Variants in POC1A observed in about 807,000 individuals in gnomAD.
POC1A encodes the protein POC1 centriolar protein A.
A neutral mutation model predicts 47.8 loss-of-function variants in POC1A; 34 were observed. The ratio of observed to expected loss-of-function variants is 0.71; its 90% CI spans 0.54 to 0.95. POC1A has a LOEUF of 0.95. Among genes scored for constraint, POC1A ranks in the 40% least tolerant of loss-of-function variants. The pLI is 0.00. For synonymous variants in POC1A, 177 were observed against 207.6 expected (o/e 0.85, Z 1.27); for missense variants, 466 against 528.3 (o/e 0.88, Z 1.16).
intron 9 of POC1A, among the ~76,000 whole-genome samples, chr3:52,100,104 C>T (rs562948261): frequency 6.6e-6 from 1 of 152,348 alleles, no homozygotes; most frequent in South Asian, 2.1e-4. Flanking sequence ...TTGCCCACCT[C>T]AGTTCCTGTT....
At chr3:52,088,611 G>C (rs1335385177) in intron 10 of POC1A, among the ~76,000 whole-genome samples, 2 of 152,232 alleles carry the variant, frequency 1.3e-5, no homozygotes, top group Admixed American at 1.3e-4. Context: ...GTAGGCTGTG[G>C]CTTGCTTAAT....
At chr3:52,088,463 T>C (rs879738352) in intron 10 of POC1A, among the ~76,000 whole-genome samples, 5 of 152,120 alleles carry the variant, frequency 3.3e-5, no homozygotes, top group African/African-American at 4.8e-5. Context: ...TCTATACCCA[T>C]AGTACAGGCC....
At chr3:52,126,800 C>T (rs1704020669) in intron 7 of POC1A, among the ~76,000 whole-genome samples, 1 of 152,110 alleles carries the variant, frequency 6.6e-6, no homozygotes, top group African/African-American at 2.4e-5. Context: ...AGAAACCCAC[C>T]CCATGGTAAC....
At chr3:52,132,417 G>A (rs1249683276) in intron 7 of POC1A, among the ~76,000 whole-genome samples, 1 of 152,142 alleles carries the variant, frequency 6.6e-6, no homozygotes, top group Non-Finnish European at 1.5e-5. Flanking sequence ...ACCAGACAAG[G>A]CTGTGTAACC....
chr3:52,138,364 A>T (rs1198563562), intron 6 of POC1A, 62 bp from the exon 7 acceptor site: 1 of 1,552,034 alleles, frequency 6.4e-7, no homozygotes, highest in Non-Finnish European at 8.7e-7. Flanking sequence ...CTGAAGCCCA[A>T]GACGGGCAAT....
chr3:52,116,489 G>A (rs1703568771), intron 9 of POC1A, among the ~76,000 whole-genome samples: 1 of 152,202 alleles, frequency 6.6e-6, no homozygotes, highest in Admixed American at 6.5e-5. Context: ...AGAAGGACAA[G>A]TCTGTTTCCA....
At chr3:52,125,306 CCA>C (rs1703956386) in intron 7 of POC1A, 125 bp from the exon 8 acceptor site, 1 of 736,892 alleles carries the variant, frequency 1.4e-6, no homozygotes, top group Non-Finnish European at 2.3e-6. Flanking sequence ...CCCACTCAGC[CCA>C]CAGTCCTCCG....
Position 52,110,567 on chromosome 3 carries a change from C to T in POC1A, c.981+11812G>A, listed in dbSNP as rs185366110. 1.6e-3 allele frequency among the ~76,000 whole-genome samples: 237 copies of T among 152,388 alleles called. 1 individual carries two copies. The highest frequency in any genetic ancestry group is 2.4e-3 in the Non-Finnish European group (164 of 68,038). ...AATGCCAAAGCCCTCGGTTCTTGTGCACCCTCTCTGCTTTGCAGCAAACAA... is the reference window on the plus strand; with the variant it reads ...AATGCCAAAGCCCTCGGTTCTTGTGTACCCTCTCTGCTTTGCAGCAAACAA... On this transcript the variant is annotated intron_variant, in intron 9 of 10. Transcript: ENST00000296484.
At chr3:52,140,896 C>T (rs1039086724) in intron 6 of POC1A, among the ~76,000 whole-genome samples, 1 of 152,376 alleles carries the variant, frequency 6.6e-6, no homozygotes, top group Middle Eastern at 3.4e-3. Flanking sequence ...CCCATGAGGG[C>T]ATGAGCCTTC....
At position 52,140,816 on chromosome 3, in the gene POC1A, C is replaced by T. The variant is rs543515707; in HGVS notation, c.680-2514G>A. On this transcript the variant is annotated intron_variant, in intron 6 of 10. Transcript: ENST00000296484. ...TTGCCTCTGTGGAGGTGGTGGGGAG[C>T]GGGTAGTCTATGGAGGCCTCATCGT... Among the ~76,000 whole-genome samples, 4 of 151,644 alleles carry T rather than the reference C, an allele frequency of 2.6e-5. No homozygotes were observed. The South Asian group carries it at 8.3e-4, about 32-fold the overall frequency.
chr3:52,150,893 G>A, intron 2 of POC1A, 123 bp downstream of exon 2: 1 of 794,408 alleles, frequency 1.3e-6, no homozygotes, highest in Non-Finnish European at 2.1e-6. Context: ...AGCAAGACTA[G>A]AAGCAGGTCT....
intron 10 of POC1A, among the ~76,000 whole-genome samples, chr3:52,085,131 C>T (rs988206280): frequency 6.6e-6 from 1 of 152,158 alleles, no homozygotes; most frequent in African/African-American, 2.4e-5. Context: ...CCCAGGCCCC[C>T]CTGGCGGCCA....
chr3:52,118,108 C>A (rs1325501894), intron 9 of POC1A, among the ~76,000 whole-genome samples: 1 of 152,200 alleles, frequency 6.6e-6, no homozygotes, highest in Non-Finnish European at 1.5e-5. Context: ...GCTCCCATCC[C>A]TTGCCCACCC....
At chr3:52,122,784 C>T (rs771706715) in intron 8 of POC1A, among the ~76,000 whole-genome samples, 5 of 152,266 alleles carry the variant, frequency 3.3e-5, no homozygotes, top group Non-Finnish European at 5.9e-5. Flanking sequence ...GGGTTGGCTG[C>T]TTCGCAGGCT....
intron 10 of POC1A, among the ~76,000 whole-genome samples, chr3:52,092,231 G>A (rs369947396): frequency 4.6e-5 from 7 of 152,220 alleles, no homozygotes; most frequent in African/African-American, 1.4e-4. Flanking sequence ...TCTTTGGCTG[G>A]TGACCTAAGG....
intron 1 of POC1A, among the ~76,000 whole-genome samples, chr3:52,152,627 A>G (rs1313857544): frequency 6.6e-6 from 1 of 152,132 alleles, no homozygotes; most frequent in Non-Finnish European, 1.5e-5. Flanking sequence ...AAGTAGTTAA[A>G]CGTGGTTAGC....
At position 52,097,366 on chromosome 3, in the gene POC1A, AC is replaced by A. The variant is rs537495337; in HGVS notation, c.982-655del. On this transcript the variant is annotated intron_variant, in intron 9 of 10. Transcript: ENST00000296484. Reference sequence around the variant, plus strand: ...AGGAATCAGACTCCACAGGAAAGGCACCCCTGGGCTGCTTCAGATAGGACTC... The same window carrying A: ...AGGAATCAGACTCCACAGGAAAGGCACCCTGGGCTGCTTCAGATAGGACTC... Among the ~76,000 whole-genome samples the A allele has an allele frequency of 2.8e-3, 419 of 152,294 alleles. 3 individuals are homozygous for A. The highest frequency in any genetic ancestry group is 8.0e-3 in the African/African-American group (332 of 41,562).
chr3:52,093,830 CCA>C (rs1331711889), intron 10 of POC1A, among the ~76,000 whole-genome samples: 1 of 152,232 alleles, frequency 6.6e-6, no homozygotes, highest in East Asian at 1.9e-4. Flanking sequence ...CCACAAACAT[CCA>C]CAGAGGTGAC....
In POC1A at chr3:52,090,649, G is replaced by A. The variant is rs1702613303; in HGVS notation, c.1125+5920C>T. Among the ~76,000 whole-genome samples, 1 of 152,130 alleles carries A rather than the reference G, an allele frequency of 6.6e-6. No homozygotes were observed. Among genetic ancestry groups the A allele is most frequent in the Non-Finnish European group, 1.5e-5 (1 of 68,006 alleles). On this transcript the variant is annotated intron_variant, in intron 10 of 10. Coordinates refer to ENST00000296484, the MANE Select transcript of POC1A (RefSeq NM_015426.5). This position sits in a 1 kb window ranked among gnomAD's most constrained non-coding sequence, Gnocchi z 4.2. ...ATTTGTGGAAACAGCCTCTCTCCCT[G>A]CTCACTGGAGAAGTTTTCCGGCATC...
Sources: gnomAD v4.1 joint callset for allele counts (sites outside exome capture counted in the v4.1 genomes callset) on GRCh38, gnomAD v4.1.1 for gene constraint, Gnocchi (gnomAD v3.1) non-coding constraint, MANE v1.5 for transcripts, NCBI Gene and HGNC (gene_info 2026-07-23, HGNC 2026-07-21) for gene names.